Variants in BCLAF1 observed in about 807,000 individuals in gnomAD.
BCLAF1 encodes the protein BCL2 associated transcription factor 1.
A neutral mutation model predicts 99.5 loss-of-function variants in BCLAF1; 10 were observed. The ratio of observed to expected loss-of-function variants is 0.10; its 90% confidence interval spans 0.06 to 0.17. BCLAF1 has a LOEUF of 0.17. Among genes scored for constraint, BCLAF1 ranks in the 10% least tolerant of loss-of-function variants. The probability of loss-of-function intolerance (pLI) is 1.00; values close to 1 mark genes in which losing one functional copy is unlikely to be tolerated. For synonymous variants in BCLAF1, 255 were observed against 370.9 expected (o/e 0.69, Z 3.59); for missense variants, 636 against 1,105.8 (o/e 0.58, Z 6.02).
chr6:136,274,849 TA>T (rs565130105), intron 6 of BCLAF1, among the ~76,000 whole-genome samples: 37 of 147,814 alleles, frequency 2.5e-4, no homozygotes, highest in African/African-American at 4.7e-4. Context: ...GGTAAAAATT[TA>T]AAAAAAAAAA....
At chr6:136,273,260 C>A in intron 6 of BCLAF1, 73 bp from the exon 7 acceptor site, 1 of 1,269,640 alleles carries the variant, frequency 7.9e-7, no homozygotes, top group South Asian at 1.3e-5. Context: ...GACAGAAGGG[C>A]ATGTAGCAGG....
intron 11 of BCLAF1, 66 bp from the exon 12 acceptor site, chr6:136,261,543 A>G (rs1047619296): frequency 8.1e-6 from 12 of 1,482,590 alleles, no homozygotes; most frequent in Non-Finnish European, 1.0e-5. Flanking sequence ...TTCTCCAATC[A>G]TAAATCACAG....
chr6:136,274,331 A>G (rs1386640400), intron 6 of BCLAF1: 1 of 301,494 alleles, frequency 3.3e-6, no homozygotes, highest in African/African-American at 2.2e-5. Flanking sequence ...AGAAAAAGGA[A>G]AAAATTTATC....
intron 9 of BCLAF1, 87 bp downstream of exon 9, chr6:136,269,348 TAC>T (rs1782178699): frequency 5.1e-6 from 8 of 1,577,346 alleles, no homozygotes; most frequent in Non-Finnish European, 6.0e-6. Context: ...AACATTCGAT[TAC>T]ACAGTCAAAA....
intron 2 of BCLAF1, among the ~76,000 whole-genome samples, chr6:136,282,098 C>G (rs1784455473): frequency 6.6e-6 from 1 of 152,172 alleles, no homozygotes; most frequent in Non-Finnish European, 1.5e-5. Context: ...AATTCAAATT[C>G]CTTAAGCTCT....
At position 136,279,744 on chromosome 6, in the gene BCLAF1, T is replaced by G. The variant is rs558480200; in HGVS notation, c.104+19A>C. On this transcript the variant is annotated intron_variant, in intron 3 of 12. Transcript: ENST00000531224. Reference sequence around the variant, plus strand: ...TAACTGATATAATTATTTTAAAAATTTAAAGCACATTAAATCACCTGTATC... The same window carrying G: ...TAACTGATATAATTATTTTAAAAATGTAAAGCACATTAAATCACCTGTATC... 6 of 1,530,518 alleles carry G rather than the reference T, an allele frequency of 3.9e-6. No homozygotes were observed. Among genetic ancestry groups the G allele is most frequent in the Non-Finnish European group, 5.3e-6 (6 of 1,140,272 alleles). 94.8% of individuals were successfully genotyped at this position (1,530,518 alleles called of 1,614,324 possible).
In BCLAF1 at chr6:136,281,490, T is replaced by G. The variant is rs546881461; in HGVS notation, c.-11+1094A>C. Among the ~76,000 whole-genome samples, 10 of 152,276 alleles carry G rather than the reference T, an allele frequency of 6.6e-5. No homozygotes were observed. The South Asian group carries it at 2.1e-3, about 32-fold the overall frequency. On this transcript the variant is annotated intron_variant, in intron 2 of 12. Transcript: ENST00000531224. Reference sequence around the variant, plus strand: ...TCAAAATTCTGTCCCTCCCAAAGTTTTTAAAAGAATATAAATACGTAATTT... The same window carrying G: ...TCAAAATTCTGTCCCTCCCAAAGTTGTTAAAAGAATATAAATACGTAATTT...
chr6:136,286,496 G>C (rs1785150493), intron 1 of BCLAF1, among the ~76,000 whole-genome samples: 1 of 152,180 alleles, frequency 6.6e-6, no homozygotes, highest in Admixed American at 6.5e-5. Flanking sequence ...AAACAGCTTA[G>C]TTTAATGTTT....
In BCLAF1 at chr6:136,257,486, G is replaced by C. The variant is rs1780530783; in HGVS notation, c.*3624C>G. ...GCTCATAAATCAACACAATCTCTGT[G>C]GCTCTCAAGTCAATTAAATACAACT... On this transcript the variant is annotated 3_prime_UTR_variant, in exon 13 of 13. Transcript: ENST00000531224. The C allele has an allele frequency of 6.6e-6, 1 of 151,996 alleles. No individual in the cohort carries two copies. The highest frequency in any genetic ancestry group is 2.4e-5 in the African/African-American group (1 of 41,384). The allele number at this position is 151,996 out of a possible 1,614,324, so 9.4% of individuals were successfully genotyped here. A position where few individuals can be genotyped will look rare whatever the true frequency, so the allele number is the denominator to read the frequency against.
intron 11 of BCLAF1, 38 bp downstream of exon 11, chr6:136,266,991 T>G: frequency 6.2e-7 from 1 of 1,608,910 alleles, no homozygotes; most frequent in Non-Finnish European, 8.5e-7. Context: ...CTTCGAAAAT[T>G]AATGCAAACC....
rs1562240523 is a variant in BCLAF1, at chr6:136,269,619, A to AAG, written c.2044-9_2044-8dup. 3.2e-6 allele frequency: 5 copies of AAG among 1,577,840 alleles called. No individual in the cohort carries two copies. The South Asian group carries it at 5.9e-5, about 19-fold the overall frequency. ...ACCTTAATTTTTTATCTCCCTATAA[A>AAG]AGACAGATATAAAATACAGATTTCA... On this transcript the variant is annotated splice_region_variant and splice_polypyrimidine_tract_variant and intron_variant, in intron 8 of 12. Coordinates refer to ENST00000531224, the MANE Select transcript of BCLAF1 (RefSeq NM_014739.3).
At chr6:136,281,634 T>C (rs1784393439) in intron 2 of BCLAF1, among the ~76,000 whole-genome samples, 1 of 152,220 alleles carries the variant, frequency 6.6e-6, no homozygotes, top group African/African-American at 2.4e-5. Flanking sequence ...AGTCCAGCAA[T>C]AAGACAACAT....
chr6:136,275,170 C>G (rs987185297), intron 6 of BCLAF1, among the ~76,000 whole-genome samples: 1 of 152,054 alleles, frequency 6.6e-6, no homozygotes, highest in Admixed American at 6.6e-5. Context: ...CCAAGATTAT[C>G]ACAAGCCATA....
chr6:136,268,067 C>T, intron 10 of BCLAF1, 95 bp downstream of exon 10: 1 of 1,163,690 alleles, frequency 8.6e-7, no homozygotes, highest in East Asian at 2.6e-5. Context: ...TAATGACACA[C>T]ATAACAATCT....
chr6:136,259,755 T>G lies in BCLAF1; in HGVS notation c.*1355A>C, dbSNP rs1398469388. Reference sequence around the variant, plus strand: ...CAATACACTTAAGATCTTCAAAAGTTTACATTAACAGAATAAGCATTAGCT... The same window carrying G: ...CAATACACTTAAGATCTTCAAAAGTGTACATTAACAGAATAAGCATTAGCT... On this transcript the variant is annotated 3_prime_UTR_variant, in exon 13 of 13. Coordinates refer to ENST00000531224, the MANE Select transcript of BCLAF1 (RefSeq NM_014739.3). 6.6e-6 allele frequency: 1 copy of G among 151,986 alleles called. No homozygotes were observed. Among genetic ancestry groups the G allele is most frequent in the Non-Finnish European group, 1.5e-5 (1 of 67,902 alleles). The allele number at this position is 151,986 out of a possible 1,614,324, so 9.4% of individuals were successfully genotyped here.
At chr6:136,264,195 T>C (rs1029146595) in intron 11 of BCLAF1, among the ~76,000 whole-genome samples, 15 of 152,256 alleles carry the variant, frequency 9.9e-5, no homozygotes, top group South Asian at 6.2e-4. Flanking sequence ...ACAAATGTTA[T>C]CTATTATTAC....
chr6:136,286,185 C>G (rs941527504), intron 1 of BCLAF1, among the ~76,000 whole-genome samples: 5 of 152,206 alleles, frequency 3.3e-5, no homozygotes, highest in African/African-American at 1.2e-4. Flanking sequence ...ATTACTATTT[C>G]AAGCATACTT....
intron 1 of BCLAF1, among the ~76,000 whole-genome samples, chr6:136,285,763 A>G (rs950859185): frequency 6.6e-6 from 1 of 152,250 alleles, no homozygotes. Context: ...GAAATAATAC[A>G]TAATGACCAG....
intron 1 of BCLAF1, among the ~76,000 whole-genome samples, chr6:136,289,340 G>T (rs910002643): frequency 3.9e-5 from 6 of 152,242 alleles, no homozygotes; most frequent in African/African-American, 1.4e-4. Context: ...AGAGAAAAAT[G>T]AACGAGCGCG....
Sources: gnomAD v4.1 joint callset for allele counts (sites outside exome capture counted in the v4.1 genomes callset) on GRCh38, gnomAD v4.1.1 for gene constraint, MANE v1.5 for transcripts, NCBI Gene and HGNC (gene_info 2026-07-23, HGNC 2026-07-21) for gene names.